Variants in PTPRT observed in about 807,000 individuals in gnomAD.
PTPRT encodes the protein protein tyrosine phosphatase receptor type T, also known as receptor-type tyrosine-protein phosphatase T.
A neutral mutation model predicts 176.8 loss-of-function variants in PTPRT; 56 were observed. That is an observed-to-expected ratio of 0.32 (90% CI 0.26 to 0.40). PTPRT has a LOEUF of 0.40. Among genes scored for constraint, PTPRT ranks in the 10% least tolerant of loss-of-function variants. The pLI is 1.00. For synonymous variants in PTPRT, 783 were observed against 739.0 expected, an observed-to-expected ratio of 1.06 and a Z score of -0.96; for missense variants, 1,540 against 1,908.2, an observed-to-expected ratio of 0.81 and a Z score of 3.60.
intron 7 of PTPRT, among the ~76,000 whole-genome samples, chr20:42,511,801 C>T (rs1408754797): frequency 6.6e-6 from 1 of 152,022 alleles, no homozygotes; most frequent in Non-Finnish European, 1.5e-5. Context: ...CACCCTGGGC[C>T]TTTGCAGACT....
chr20:42,738,889 T>C (rs2076571268), intron 6 of PTPRT, among the ~76,000 whole-genome samples: 1 of 152,106 alleles, frequency 6.6e-6, no homozygotes, highest in African/African-American at 2.4e-5. Flanking sequence ...CTGGGCAACA[T>C]GATGAAACCT....
chr20:42,987,274 C>G (rs1429063100), intron 1 of PTPRT, among the ~76,000 whole-genome samples: 1 of 152,198 alleles, frequency 6.6e-6, no homozygotes, highest in Non-Finnish European at 1.5e-5. Flanking sequence ...CTACTGGCCA[C>G]ATGAGGCTAC....
intron 19 of PTPRT, among the ~76,000 whole-genome samples, chr20:42,123,151 CCTCT>C (rs1600551883): frequency 6.6e-6 from 1 of 152,122 alleles, no homozygotes; most frequent in East Asian, 1.9e-4. Context: ...GTTGGAGCAT[CCTCT>C]TAATGCTCAG....
At chr20:42,885,235 T>C (rs954238932) in intron 2 of PTPRT, among the ~76,000 whole-genome samples, 10 of 147,188 alleles carry the variant, frequency 6.8e-5, no homozygotes, top group African/African-American at 2.5e-4. Flanking sequence ...AATTATATAA[T>C]ATATATACTA....
the PTPRT span, among the ~76,000 whole-genome samples, chr20:42,037,888 C>T: frequency 2.0e-5 from 3 of 152,258 alleles, no homozygotes; most frequent in South Asian, 6.2e-4. Flanking sequence ...AGGCCTGATG[C>T]TAGGTGGGGT....
chr20:42,123,003 G>T (rs1416235998), intron 19 of PTPRT, among the ~76,000 whole-genome samples: 1 of 152,170 alleles, frequency 6.6e-6, no homozygotes, highest in Non-Finnish European at 1.5e-5. Context: ...TATATGCTCA[G>T]TGAATGCAAT....
intron 1 of PTPRT, among the ~76,000 whole-genome samples, chr20:43,162,385 G>A (rs1046128289): frequency 6.6e-6 from 1 of 152,304 alleles, no homozygotes; most frequent in East Asian, 1.9e-4. Context: ...TAAGGAAACT[G>A]AGGCAGAGGT....
At chr20:43,012,833 C>T (rs979243244) in intron 1 of PTPRT, among the ~76,000 whole-genome samples, 1 of 152,074 alleles carries the variant, frequency 6.6e-6, no homozygotes, top group Non-Finnish European at 1.5e-5. Context: ...CATGAAGGTG[C>T]AAAATATCTC....
At chr20:42,312,206 T>C (rs373001529) in intron 12 of PTPRT, among the ~76,000 whole-genome samples, 1 of 152,228 alleles carries the variant, frequency 6.6e-6, no homozygotes, top group Non-Finnish European at 1.5e-5. Flanking sequence ...GATTAATTGC[T>C]CAGTCAATTG....
At chr20:42,733,959 G>T (rs2076500087) in intron 6 of PTPRT, among the ~76,000 whole-genome samples, 1 of 152,190 alleles carries the variant, frequency 6.6e-6, no homozygotes, top group Admixed American at 6.5e-5. Flanking sequence ...CCTATGGTCA[G>T]CTCAGGCAAA....
chr20:42,458,166 G>T (rs1365589199), intron 8 of PTPRT, among the ~76,000 whole-genome samples: 1 of 152,164 alleles, frequency 6.6e-6, no homozygotes, highest in African/African-American at 2.4e-5. Flanking sequence ...TCTTTCAGGA[G>T]CAGCCATGGC....
intron 1 of PTPRT, among the ~76,000 whole-genome samples, chr20:43,067,783 G>A (rs570745063): frequency 7.0e-4 from 106 of 150,954 alleles, no homozygotes; most frequent in African/African-American, 2.5e-3. Context: ...GCAACAGAGG[G>A]AAACCCCCAT....
intron 2 of PTPRT, among the ~76,000 whole-genome samples, chr20:42,853,787 A>G (rs2078515996): frequency 6.6e-6 from 1 of 152,104 alleles, no homozygotes; most frequent in African/African-American, 2.4e-5. Flanking sequence ...AACCATCACA[A>G]CCTTGTATAC....
intron 1 of PTPRT, among the ~76,000 whole-genome samples, chr20:43,106,658 C>CAAA (rs1417314567): frequency 7.2e-5 from 1 of 13,836 alleles, no homozygotes; most frequent in African/African-American, 3.1e-4. Flanking sequence ...GACTCCATCT[C>CAAA]AAAAAAAGAA....
At chr20:42,587,840 C>T (rs1479112158) in intron 7 of PTPRT, among the ~76,000 whole-genome samples, 3 of 152,150 alleles carry the variant, frequency 2.0e-5, no homozygotes, top group Non-Finnish European at 2.9e-5. Flanking sequence ...CTCAGTCCCA[C>T]AGACCTGAGT....
chr20:43,079,580 G>A (rs181699544), intron 1 of PTPRT, among the ~76,000 whole-genome samples: 41 of 152,044 alleles, frequency 2.7e-4, no homozygotes, highest in East Asian at 5.8e-4. Flanking sequence ...GTTTCTCCAG[G>A]CAAACTGCAT....
intron 1 of PTPRT, among the ~76,000 whole-genome samples, chr20:43,165,157 C>CTTT (rs575367224): frequency 1.5e-5 from 2 of 136,840 alleles, no homozygotes; most frequent in African/African-American, 5.4e-5. Flanking sequence ...TCTGCACATA[C>CTTT]TTTTTTTTTT....
At chr20:43,111,221 C>A (rs1430233207) in intron 1 of PTPRT, among the ~76,000 whole-genome samples, 1 of 152,074 alleles carries the variant, frequency 6.6e-6, no homozygotes, top group Non-Finnish European at 1.5e-5. Context: ...TCTGTTCATA[C>A]TACTGTGTCT....
At chr20:42,862,939 C>T (rs984834270) in intron 2 of PTPRT, among the ~76,000 whole-genome samples, 4 of 152,154 alleles carry the variant, frequency 2.6e-5, no homozygotes, top group Non-Finnish European at 5.9e-5. Context: ...GTGGCAAAAA[C>T]TAACCCATAC....
Sources: gnomAD v4.1 joint callset for allele counts (sites outside exome capture counted in the v4.1 genomes callset) on GRCh38, gnomAD v4.1.1 for gene constraint, MANE v1.5 for transcripts, NCBI Gene and HGNC (gene_info 2026-07-23, HGNC 2026-07-21) for gene names.